NFIX: variants seen among roughly 807,000 people sequenced by gnomAD.
NFIX encodes the protein nuclear factor 1 X-type.
A neutral mutation model predicts 53.3 loss-of-function variants in NFIX; 2 were observed. The ratio of observed to expected loss-of-function variants is 0.04; its 90% CI spans 0.02 to 0.12. NFIX has a LOEUF of 0.12. Among genes scored for constraint, NFIX ranks in the 10% least tolerant of loss-of-function variants. The probability of loss-of-function intolerance (pLI) is 1.00; values close to 1 mark genes in which losing one functional copy is unlikely to be tolerated. For missense variants in NFIX, 310 were observed against 674.5 expected (o/e 0.46, Z 5.99); for synonymous variants, 244 against 289.0 (o/e 0.84, Z 1.58).
At position 13,024,554 on chromosome 19, in the gene NFIX, C is replaced by G. The variant is rs1040724401; in HGVS notation, c.28-467C>G. ...GACCAGAGGCGGCCCCGCACGCCCC[C>G]GCGTGTGCGTCCACGGGCGTCTGTG... is the stretch of plus-strand genomic sequence containing the variant. On this transcript the variant is annotated intron_variant, in intron 1 of 10. Transcript: ENST00000592199. The G allele has an allele frequency of 1.8e-5, 28 of 1,530,648 alleles. No homozygotes were observed. In the East Asian group the frequency reaches 5.1e-4, roughly 28 times the overall value. The allele number at this position is 1,530,648 out of a possible 1,614,324, so 94.8% of individuals were successfully genotyped here. A position where few individuals can be genotyped will look rare whatever the true frequency, so the allele number is the denominator to read the frequency against.
chr19:13,092,901 C>T (rs1397649344), intron 10 of NFIX, among the ~76,000 whole-genome samples: 4 of 152,182 alleles, frequency 2.6e-5, no homozygotes, highest in Admixed American at 6.5e-5. Context: ...GTCAATTGAC[C>T]GGTTGGACTT....
chr19:13,061,082 A>AGCC, intron 2 of NFIX, among the ~76,000 whole-genome samples: 1 of 136,870 alleles, frequency 7.3e-6, no homozygotes, highest in African/African-American at 2.7e-5. Flanking sequence ...GTGGCCTTAG[A>AGCC]CCCCCCCCTC....
In NFIX at chr19:13,067,475, T is replaced by C. The variant is rs925628171; in HGVS notation, c.560-5572T>C. On this transcript the variant is annotated intron_variant, in intron 2 of 10. Transcript: ENST00000592199. The surrounding 1 kb of genome is among the most constrained non-coding windows in gnomAD (Gnocchi z 4.2). ...GTGTGTGTGCGCGCGTGTGTGTGTG[T>C]GTGTGTGCGTGTGTGTGTGTGTGTG... Among the ~76,000 whole-genome samples the C allele has an allele frequency of 2.1e-5, 2 of 93,486 alleles. No homozygotes were observed. The highest frequency in any genetic ancestry group is 6.3e-5 in the African/African-American group (1 of 15,774). 61.3% of individuals were successfully genotyped at this position (93,486 alleles called of 152,430 possible). A position where few individuals can be genotyped will look rare whatever the true frequency, so the allele number is the denominator to read the frequency against.
chr19:13,063,102 G>A (rs187851362), intron 2 of NFIX, among the ~76,000 whole-genome samples: 15 of 152,164 alleles, frequency 9.9e-5, no homozygotes, highest in Non-Finnish European at 2.1e-4. Flanking sequence ...GAGAGGTGGT[G>A]GGGGAGGCTG....
chr19:12,996,133 G>T lies in NFIX; in HGVS notation c.27+269G>T, dbSNP rs2011457317. Among the ~76,000 whole-genome samples, 2 of 132,274 alleles carry T rather than the reference G, an allele frequency of 1.5e-5. No individual in the cohort carries two copies. Among genetic ancestry groups the T allele is most frequent in the Non-Finnish European group, 3.2e-5 (2 of 63,068 alleles). The allele number at this position is 132,274 out of a possible 152,430, so 86.8% of individuals were successfully genotyped here. On this transcript the variant is annotated intron_variant, in intron 1 of 10. Coordinates refer to ENST00000592199, the MANE Select transcript of NFIX (RefSeq NM_001365902.3). This position sits in a 1 kb window ranked among gnomAD's most constrained non-coding sequence, Gnocchi z 5.2. ...CGCTGCCCGTGGAGCGCAGGCGGGA[G>T]TGCGTGTACGTGTGTGTGTGTGTGT...
chr19:13,049,711 G>C lies in NFIX; in HGVS notation c.560-23336G>C, dbSNP rs142717838. ...TGGGTTCAAGCGATTCTTCTGCCTC[G>C]GCCTCCTAAGTAGCTGGGACTACAG... On this transcript the variant is annotated intron_variant, in intron 2 of 10. Transcript: ENST00000592199. The surrounding 1 kb of genome is among the most constrained non-coding windows in gnomAD (Gnocchi z 4.5). 0.016 allele frequency among the ~76,000 whole-genome samples: 2,452 copies of C among 151,406 alleles called. 79 individuals are homozygous for C. The highest frequency in any genetic ancestry group is 0.057 in the African/African-American group (2,365 of 41,232).
chr19:13,050,168 T>C (rs1402975936), intron 2 of NFIX, among the ~76,000 whole-genome samples: 1 of 152,244 alleles, frequency 6.6e-6, no homozygotes, highest in African/African-American at 2.4e-5. Flanking sequence ...AGGGTCTCTC[T>C]GGGTTGGGCC....
chr19:13,044,724 G>A (rs2014871320), intron 2 of NFIX, among the ~76,000 whole-genome samples: 2 of 152,248 alleles, frequency 1.3e-5, no homozygotes, highest in Middle Eastern at 6.8e-3. Context: ...GGTTCTTTGT[G>A]AACCTGCCTC....
At chr19:13,064,194 C>T (rs1235683127) in intron 2 of NFIX, among the ~76,000 whole-genome samples, 3 of 152,278 alleles carry the variant, frequency 2.0e-5, no homozygotes, top group Admixed American at 6.5e-5. Context: ...GGCTGGGGGC[C>T]GCTTGCCTGG....
At chr19:13,075,262 C>T (rs905927246) in intron 5 of NFIX, among the ~76,000 whole-genome samples, 4 of 152,020 alleles carry the variant, frequency 2.6e-5, no homozygotes, top group African/African-American at 9.7e-5. Flanking sequence ...AGGGTTTTGC[C>T]GACTTCTCTG....
At chr19:13,042,355 CTTTTTT>C (rs35785662) in intron 2 of NFIX, among the ~76,000 whole-genome samples, 2 of 100,588 alleles carry the variant, frequency 2.0e-5, no homozygotes, top group East Asian at 3.1e-4. Flanking sequence ...CTTTTACATG[CTTTTTT>C]TTTTTTTTTT....
rs2011796380 is a variant in NFIX, at chr19:13,002,911, G to A, written c.27+7047G>A. On this transcript the variant is annotated intron_variant, in intron 1 of 10. Coordinates refer to ENST00000592199, the MANE Select transcript of NFIX (RefSeq NM_001365902.3). This position sits in a 1 kb window ranked among gnomAD's most constrained non-coding sequence, Gnocchi z 6.1. ...AGTGCCAGCCTTCCTGGCACAGATC[G>A]GGCAAGAGCGGGGATCTGTCTGTCC... Among the ~76,000 whole-genome samples the A allele has an allele frequency of 6.6e-6, 1 of 152,270 alleles. No individual in the cohort carries two copies. The highest frequency in any genetic ancestry group is 1.5e-5 in the Non-Finnish European group (1 of 68,006).
chr19:13,066,175 T>C lies in NFIX; in HGVS notation c.560-6872T>C, dbSNP rs952206706. On this transcript the variant is annotated intron_variant, in intron 2 of 10. Transcript: ENST00000592199. The surrounding 1 kb of genome is among the most constrained non-coding windows in gnomAD (Gnocchi z 4.2). Reference sequence around the variant, plus strand: ...TGCTTTCTCCTCGCTTCCCGAAGCCTTACTGCCGAGCTGTGAGTCCTGTAG... The same window carrying C: ...TGCTTTCTCCTCGCTTCCCGAAGCCCTACTGCCGAGCTGTGAGTCCTGTAG... Among the ~76,000 whole-genome samples the C allele has an allele frequency of 3.9e-5, 6 of 152,164 alleles. No individual in the cohort carries two copies. The highest frequency in any genetic ancestry group is 1.4e-4 in the African/African-American group (6 of 41,440).
At chr19:13,074,063 A>T (rs1599845063) in intron 5 of NFIX, 37 bp downstream of exon 5, 2 of 1,608,602 alleles carry the variant, frequency 1.2e-6, no homozygotes, top group African/African-American at 2.7e-5. Context: ...TCTTCTCTCC[A>T]CTCCCCCCAG....
At position 13,009,169 on chromosome 19, in the gene NFIX, GCACA is replaced by G. The variant is rs143917196; in HGVS notation, c.27+13316_27+13319del. ...GTCTCACACACAACCTGTCACACACGCACACACACACACAGCGGCACAGTCGCAC... is the reference window on the plus strand; with the variant it reads ...GTCTCACACACAACCTGTCACACACGCACACACACAGCGGCACAGTCGCAC... On this transcript the variant is annotated intron_variant, in intron 1 of 10. Transcript: ENST00000592199. This position sits in a 1 kb window ranked among gnomAD's most constrained non-coding sequence, Gnocchi z 4.7. Among the ~76,000 whole-genome samples, 33 of 151,532 alleles carry G rather than the reference GCACA, an allele frequency of 2.2e-4. No individual in the cohort carries two copies. Among genetic ancestry groups the G allele is most frequent in the East Asian group, 1.9e-3 (10 of 5,164 alleles).
rs557168347 is a variant in NFIX, at chr19:13,011,458, G to A, written c.28-13563G>A. Among the ~76,000 whole-genome samples, 453 of 152,224 alleles carry A rather than the reference G, an allele frequency of 3.0e-3. No homozygotes were observed. Among genetic ancestry groups the A allele is most frequent in the Non-Finnish European group, 5.1e-3 (344 of 68,002 alleles). ...CCAGGCCTTCGCTCCAGGTGCGCCC[G>A]GGCGGTGGAGGCGAGTTCCCTGCGC... On this transcript the variant is annotated intron_variant, in intron 1 of 10. Transcript: ENST00000592199. The surrounding 1 kb of genome is among the most constrained non-coding windows in gnomAD (Gnocchi z 6.5).
intron 2 of NFIX, among the ~76,000 whole-genome samples, chr19:13,026,879 C>T (rs927269029): frequency 2.0e-5 from 3 of 152,006 alleles, no homozygotes; most frequent in African/African-American, 4.8e-5. Context: ...GTTGTTTCTC[C>T]GCGAGTGTGT....
chr19:13,036,175 C>T lies in NFIX; in HGVS notation c.559+10623C>T, dbSNP rs2014173085. Among the ~76,000 whole-genome samples, 1 of 152,174 alleles carries T rather than the reference C, an allele frequency of 6.6e-6. No homozygotes were observed. Among genetic ancestry groups the T allele is most frequent in the African/African-American group, 2.4e-5 (1 of 41,446 alleles). ...CACCTGGCTTGGCCTCTGGAGTCGA[C>T]TTCCCAAGTCTCCTAGGAAGGCGAG... is the stretch of plus-strand genomic sequence containing the variant. On this transcript the variant is annotated intron_variant, in intron 2 of 10. Transcript: ENST00000592199. The surrounding 1 kb of genome is among the most constrained non-coding windows in gnomAD (Gnocchi z 4.7).
rs984392754 is a variant in NFIX, at chr19:13,049,667, C to T, written c.560-23380C>T. On this transcript the variant is annotated intron_variant, in intron 2 of 10. Transcript: ENST00000592199. This position sits in a 1 kb window ranked among gnomAD's most constrained non-coding sequence, Gnocchi z 4.5. The stretch of plus-strand genomic sequence containing the variant: ...GGAGTGCAGTGGCGCGATCTCTGCT[C>T]ACTGCAACCTCTGCCTCCTGGGTTC... 6.6e-6 allele frequency among the ~76,000 whole-genome samples: 1 copy of T among 150,982 alleles called. No homozygotes were observed. Among genetic ancestry groups the T allele is most frequent in the Non-Finnish European group, 1.5e-5 (1 of 67,912 alleles).
Sources: gnomAD v4.1 joint callset for allele counts (sites outside exome capture counted in the v4.1 genomes callset) on GRCh38, gnomAD v4.1.1 for gene constraint, Gnocchi (gnomAD v3.1) non-coding constraint, MANE v1.5 for transcripts, NCBI Gene and HGNC (gene_info 2026-07-23, HGNC 2026-07-21) for gene names.